Variants in NRIP1 observed in about 807,000 individuals in gnomAD.
The protein encoded by NRIP1 is nuclear receptor-interacting protein 1.
In NRIP1, 28 loss-of-function variants were observed where a neutral mutation model predicts 75.0. The observed-to-expected ratio is 0.37, with a 90% CI of 0.28 to 0.51. NRIP1 has a LOEUF of 0.51. NRIP1 is among the 20% of genes least tolerant of loss of function. The pLI is 0.92. For synonymous variants in NRIP1, 526 were observed against 487.6 expected (o/e 1.08, Z -1.04); for missense variants, 1,435 against 1,343.7 (o/e 1.07, Z -1.06).
chr21:14,967,660 T>C lies in NRIP1; in HGVS notation c.533A>G (p.Tyr178Cys), dbSNP rs1488774190. ...SLKVEKDLRCYGVASSHLKTL... is the reference protein window; with the variant it reads ...SLKVEKDLRCCGVASSHLKTL... ...TTTTAAGTGACTTGATGCAACACCA[T>C]AGCACCTTAAATCCTTCTCCACTTT... Residue 178 changes from tyrosine to cysteine, a missense_variant, in exon 4 of 4, where the codon TAT (tyrosine) becomes TGT (cysteine). Tyr to Cys is a radical substitution (Grantham distance 194). Coordinates refer to ENST00000318948, the MANE Select transcript of NRIP1 (RefSeq NM_003489.4). 4 of 1,614,090 alleles carry C rather than the reference T, an allele frequency of 2.5e-6. No individual in the cohort carries two copies. Among genetic ancestry groups the C allele is most frequent in the East Asian group, 2.2e-5 (1 of 44,866 alleles).
chr21:15,012,374 T>C (rs1401000208), intron 3 of NRIP1, among the ~76,000 whole-genome samples: 3 of 151,342 alleles, frequency 2.0e-5, no homozygotes, highest in South Asian at 2.1e-4. Context: ...GAAAGGAATA[T>C]AGAAAATCAC....
At chr21:15,008,209 C>G (rs2088019401) in intron 3 of NRIP1, among the ~76,000 whole-genome samples, 1 of 152,034 alleles carries the variant, frequency 6.6e-6, no homozygotes, top group South Asian at 2.1e-4. Flanking sequence ...TGCCAGAGAG[C>G]AGACTGTACT....
At chr21:15,064,675 C>G (rs1188399653) in intron 1 of NRIP1, 70 bp downstream of exon 1, 1 of 150,844 alleles carries the variant, frequency 6.6e-6, no homozygotes, top group Non-Finnish European at 1.5e-5. Context: ...ACGCGGGCCG[C>G]GCTCCCGGGC....
rs142771734 is a variant in NRIP1 at position 14,988,517 on chromosome 21, G to GTATA, written c.-334-19995_-334-19992dup. 4.1e-3 allele frequency among the ~76,000 whole-genome samples: 579 copies of GTATA among 142,406 alleles called. 6 individuals are homozygous for GTATA. Among genetic ancestry groups the GTATA allele is most frequent in the Middle Eastern group, 0.018 (5 of 274 alleles). 93.4% of individuals were successfully genotyped at this position (142,406 alleles called of 152,430 possible). A position where few individuals can be genotyped will look rare whatever the true frequency, so the allele number is the denominator to read the frequency against. On this transcript the variant is annotated intron_variant, in intron 3 of 3. Coordinates refer to ENST00000318948, the MANE Select transcript of NRIP1 (RefSeq NM_003489.4). ...TATATATATGTGTGTGTGTGTGTGTGTATATATATATATATATCCTGAAAA... is the reference window on the plus strand; with the variant it reads ...TATATATATGTGTGTGTGTGTGTGTGTATATATATATATATATATATCCTGAAAA...
rs58275735 is a variant in NRIP1, at chr21:14,962,015, TTATATATATATA to T, written c.*2689_*2700del. On this transcript the variant is annotated 3_prime_UTR_variant, in exon 4 of 4. Coordinates refer to ENST00000318948, the MANE Select transcript of NRIP1 (RefSeq NM_003489.4). ...AAGTCAATATATATATATATACATA[TTATATATATATA>T]TATATATATATATATAAAATATATA... The T allele has an allele frequency of 1.1e-4, 16 of 140,510 alleles. No individual in the cohort carries two copies. Among genetic ancestry groups the T allele is most frequent in the Admixed American group, 2.9e-4 (4 of 13,854 alleles). The allele number at this position is 140,510 out of a possible 1,614,324, so 8.7% of individuals were successfully genotyped here. A position where few individuals can be genotyped will look rare whatever the true frequency, so the allele number is the denominator to read the frequency against.
intron 1 of NRIP1, among the ~76,000 whole-genome samples, chr21:15,064,299 C>T (rs1978634556): frequency 6.6e-6 from 1 of 152,218 alleles, no homozygotes; most frequent in African/African-American, 2.4e-5. Flanking sequence ...ATCCAGCGAG[C>T]AAGGAGCAGG....
chr21:14,991,750 C>A (rs979664122), intron 3 of NRIP1, among the ~76,000 whole-genome samples: 1 of 152,094 alleles, frequency 6.6e-6, no homozygotes, highest in Non-Finnish European at 1.5e-5. Context: ...ATAAAATACT[C>A]TTGTATAGAA....
At chr21:15,063,041 G>C (rs1476135107) in intron 1 of NRIP1, among the ~76,000 whole-genome samples, 1 of 151,590 alleles carries the variant, frequency 6.6e-6, no homozygotes, top group African/African-American at 2.4e-5. Context: ...GTTATGTTCT[G>C]ATGTATATTT....
intron 1 of NRIP1, chr21:15,052,033 C>CT (rs1162227236): frequency 1.3e-5 from 2 of 152,112 alleles, no homozygotes; most frequent in African/African-American, 4.8e-5. Flanking sequence ...AAAAACTTTG[C>CT]TGTAAAATAT....
chr21:14,966,008 CT>C lies in NRIP1; in HGVS notation c.2184del (p.Glu729ArgfsTer5), dbSNP rs776154715. ...GNPNKGKSEK[K>X]EKTPLRDEST... ...CTTTCATCTCTTAAGGGAGTTTTCTCTTTTTTTTCACTCTTCCCTTTGTTGG... is the reference window on the plus strand; with the variant it reads ...CTTTCATCTCTTAAGGGAGTTTTCTCTTTTTTTCACTCTTCCCTTTGTTGG... On this transcript the variant is annotated frameshift_variant, in exon 4 of 4. Transcript: ENST00000318948. LOFTEE classifies it high-confidence loss of function. 2 of 1,611,320 alleles carry C rather than the reference CT, an allele frequency of 1.2e-6. No individual in the cohort carries two copies. The highest frequency in any genetic ancestry group is 1.7e-6 in the Non-Finnish European group (2 of 1,179,306).
At chr21:15,024,959 A>G (rs1425935069) in intron 2 of NRIP1, among the ~76,000 whole-genome samples, 3 of 152,312 alleles carry the variant, frequency 2.0e-5, no homozygotes, top group East Asian at 3.9e-4. Flanking sequence ...ATCAAGACCA[A>G]TAAGATGCCA....
chr21:14,966,907 C>T lies in NRIP1; in HGVS notation c.1286G>A (p.Ser429Asn). 2 of 1,614,122 alleles carry T rather than the reference C, an allele frequency of 1.2e-6. No individual in the cohort carries two copies. Among genetic ancestry groups the T allele is most frequent in the Non-Finnish European group, 1.7e-6 (2 of 1,179,994 alleles). ...DNNPSFTDDSSGDESSYSNCV... is the reference protein window; with the variant it reads ...DNNPSFTDDSNGDESSYSNCV... ...GTTGGAATAAGAACTTTCATCACCA[C>T]TGCTGTCATCTGTAAAACTAGGATT... The change falls in exon 4 of 4, where the codon AGT becomes AAT. Residue 429 changes from serine (S) to asparagine (N), a missense_variant. Coordinates refer to ENST00000318948, the MANE Select transcript of NRIP1 (RefSeq NM_003489.4).
In NRIP1 at chr21:14,968,073, C is replaced by T. The variant is rs748496976; in HGVS notation, c.120G>A (p.Lys40=). 3 of 1,614,068 alleles carry T rather than the reference C, an allele frequency of 1.9e-6. No homozygotes were observed. The South Asian group carries it at 3.3e-5, about 18-fold the overall frequency. ...GATCCTCTTCATTATGCCCAGCAGA[C>T]TTTTTGTCAACGGCAGTACCTGATC... ...AGGSGTAVDK[K]SAGHNEEDQN... The change falls in exon 4 of 4, where the codon AAG becomes AAA. Residue 40 remains lysine (K), a synonymous_variant. Transcript: ENST00000318948.
intron 3 of NRIP1, among the ~76,000 whole-genome samples, chr21:15,013,495 G>C (rs558345684): frequency 6.6e-6 from 1 of 152,068 alleles, no homozygotes; most frequent in African/African-American, 2.4e-5. Context: ...TCTTTGACCA[G>C]AGTTTTTCAG....
Position 14,965,413 on chromosome 21 carries a change from G to A in NRIP1, c.2780C>T (p.Ala927Val). 6.2e-7 allele frequency: 1 copy of A among 1,613,908 alleles called. No homozygotes were observed. Among genetic ancestry groups the A allele is most frequent in the Non-Finnish European group, 8.5e-7 (1 of 1,179,924 alleles). ...AACATTAAAGCTTTTGCTCTCTCTG[G>A]CCCAACTCCTGTGTTCACTTTCGCT... ...SASESEHRSWARESKSFNVLK... is the reference protein window; with the variant it reads ...SASESEHRSWVRESKSFNVLK... Residue 927 changes from alanine (A) to valine (V), a missense_variant, in exon 4 of 4, where the codon GCC (alanine) becomes GTC (valine). Transcript: ENST00000318948.
At chr21:15,024,230 A>C (rs142182737) in intron 2 of NRIP1, among the ~76,000 whole-genome samples, 118 of 152,338 alleles carry the variant, frequency 7.7e-4, no homozygotes, top group African/African-American at 2.4e-3. Context: ...AAAATGAACA[A>C]CACCATAAAA....
At chr21:14,991,158 G>A (rs1429975901) in intron 3 of NRIP1, 1 of 151,754 alleles carries the variant, frequency 6.6e-6, no homozygotes, top group African/African-American at 2.4e-5. Context: ...AGAAAAAGAG[G>A]CAAAAGATTC....
chr21:15,012,245 CA>C (rs2088120692), intron 3 of NRIP1, among the ~76,000 whole-genome samples: 1 of 152,098 alleles, frequency 6.6e-6, no homozygotes, highest in Admixed American at 6.5e-5. Context: ...CAACATCTCC[CA>C]AGCTTATTTG....
chr21:14,969,931 A>C (rs9984940), intron 3 of NRIP1, among the ~76,000 whole-genome samples: 3,037 of 152,306 alleles, frequency 0.02, 104 homozygotes, highest in African/African-American at 0.067. Flanking sequence ...CCATTTTAAG[A>C]AGCTTTGCCA....
Sources: gnomAD v4.1 joint callset for allele counts (sites outside exome capture counted in the v4.1 genomes callset) on GRCh38, gnomAD v4.1.1 for gene constraint, MANE v1.5 for transcripts, NCBI Gene and HGNC (gene_info 2026-07-23, HGNC 2026-07-21) for gene names.